The following SLC16A7 variants were observed in gnomAD, a reference collection of about 807,000 sequenced individuals.
The protein encoded by SLC16A7 is monocarboxylate transporter 2.
Under a neutral mutation model 34.9 loss-of-function variants are expected in SLC16A7, and 33 were observed. The observed-to-expected ratio is 0.94, with a 90% CI of 0.72 to 1.26. The LOEUF (loss-of-function observed/expected upper bound fraction) is 1.26. SLC16A7 is among the 50% of genes most tolerant of loss of function. The pLI is 0.00. For synonymous variants in SLC16A7, 201 were observed against 206.6 expected (o/e 0.97, Z 0.23); for missense variants, 573 against 578.1 (o/e 0.99, Z 0.09).
intron 1 of SLC16A7, among the ~76,000 whole-genome samples, chr12:59,631,735 T>C (rs1880191662): frequency 1.3e-5 from 2 of 151,978 alleles, no homozygotes; most frequent in South Asian, 4.1e-4. Flanking sequence ...GTCCATGTGT[T>C]CTCATTGTTC....
intron 3 of SLC16A7, among the ~76,000 whole-genome samples, chr12:59,766,717 G>A (rs1881678519): frequency 6.6e-6 from 1 of 152,108 alleles, no homozygotes; most frequent in Non-Finnish European, 1.5e-5. Context: ...TTGATGTGCT[G>A]CTGGATTCGT....
chr12:59,686,817 G>C (rs111261679), intron 2 of SLC16A7, among the ~76,000 whole-genome samples: 94 of 152,010 alleles, frequency 6.2e-4, no homozygotes, highest in South Asian at 1.2e-3. Context: ...AAGATTTTAA[G>C]AGATGCTAAG....
At chr12:59,772,840 T>C (rs2137446730) in intron 4 of SLC16A7, among the ~76,000 whole-genome samples, 1 of 152,292 alleles carries the variant, frequency 6.6e-6, no homozygotes, top group East Asian at 1.9e-4. Flanking sequence ...TATAATATCT[T>C]ACAGTTCTAA....
intron 2 of SLC16A7, among the ~76,000 whole-genome samples, chr12:59,662,069 G>A (rs1868882050): frequency 6.6e-6 from 1 of 151,998 alleles, no homozygotes; most frequent in African/African-American, 2.4e-5. Context: ...TTTCCATTAT[G>A]TTGTGAGACC....
intron 2 of SLC16A7, among the ~76,000 whole-genome samples, chr12:59,702,833 G>A (rs1178475351): frequency 2.0e-5 from 3 of 151,548 alleles, no homozygotes; most frequent in African/African-American, 7.3e-5. Flanking sequence ...TACATCACTC[G>A]GCAGTCTTAT....
chr12:59,686,905 T>G (rs575867186), intron 2 of SLC16A7, among the ~76,000 whole-genome samples: 1 of 152,186 alleles, frequency 6.6e-6, no homozygotes, highest in South Asian at 2.1e-4. Context: ...CAATATATTA[T>G]ATATTTGAAA....
At chr12:59,661,366 T>C (rs1340153372) in intron 2 of SLC16A7, among the ~76,000 whole-genome samples, 1 of 152,112 alleles carries the variant, frequency 6.6e-6, no homozygotes, top group Admixed American at 6.6e-5. Flanking sequence ...GGGTTTCATT[T>C]TAGAGAAGAG....
intron 3 of SLC16A7, among the ~76,000 whole-genome samples, chr12:59,741,186 T>G (rs1291289583): frequency 6.6e-6 from 1 of 152,170 alleles, no homozygotes; most frequent in African/African-American, 2.4e-5. Context: ...ACCGATGACT[T>G]TCTTCACAGA....
chr12:59,669,379 A>G (rs183449773), intron 2 of SLC16A7, among the ~76,000 whole-genome samples: 37 of 152,230 alleles, frequency 2.4e-4, no homozygotes, highest in Admixed American at 1.7e-3. Flanking sequence ...AGTGGGGTAT[A>G]TATAGATTTC....
At chr12:59,623,855 T>G (rs1258559578) in intron 1 of SLC16A7, among the ~76,000 whole-genome samples, 1 of 151,582 alleles carries the variant, frequency 6.6e-6, no homozygotes, top group Non-Finnish European at 1.5e-5. Flanking sequence ...TTTGGTTGTT[T>G]TTTGTTTTTA....
At chr12:59,672,592 A>ATAT (rs915205684) in intron 2 of SLC16A7, among the ~76,000 whole-genome samples, 3 of 151,526 alleles carry the variant, frequency 2.0e-5, no homozygotes, top group African/African-American at 7.3e-5. Flanking sequence ...CTTCTTGTTG[A>ATAT]TATTATTATT....
At chr12:59,622,707 C>A in intron 1 of SLC16A7, among the ~76,000 whole-genome samples, 1 of 151,760 alleles carries the variant, frequency 6.6e-6, no homozygotes, top group African/African-American at 2.4e-5. Flanking sequence ...AAACATTTTT[C>A]TGCACTGGTA....
intron 3 of SLC16A7, among the ~76,000 whole-genome samples, chr12:59,720,395 G>C (rs1192969198): frequency 6.6e-6 from 1 of 152,024 alleles, no homozygotes; most frequent in African/African-American, 2.4e-5. Flanking sequence ...TCATAGTAGG[G>C]TAAACTTCTT....
chr12:59,617,513 C>A (rs573660613), intron 1 of SLC16A7, among the ~76,000 whole-genome samples: 1 of 151,960 alleles, frequency 6.6e-6, no homozygotes, highest in African/African-American at 2.4e-5. Flanking sequence ...ATTTATAATG[C>A]CCTGTACATA....
At chr12:59,705,079 G>A in intron 3 of SLC16A7, 61 bp downstream of exon 3, 1 of 1,142,288 alleles carries the variant, frequency 8.8e-7, no homozygotes, top group Non-Finnish European at 1.3e-6. Context: ...ATGTCACAAT[G>A]TTTTACATGG....
intron 2 of SLC16A7, among the ~76,000 whole-genome samples, chr12:59,693,687 T>C (rs1276637024): frequency 1.3e-5 from 2 of 151,922 alleles, no homozygotes; most frequent in Non-Finnish European, 2.9e-5. Flanking sequence ...AGTTGTAGTT[T>C]TTGAATTCCA....
intron 1 of SLC16A7, among the ~76,000 whole-genome samples, chr12:59,598,304 T>C (rs568938233): frequency 9.2e-5 from 14 of 152,338 alleles, no homozygotes; most frequent in African/African-American, 3.4e-4. Context: ...GAAGTGATAT[T>C]GGGAAGAATG....
chr12:59,709,602 C>G (rs1873985604), intron 3 of SLC16A7, among the ~76,000 whole-genome samples: 1 of 151,578 alleles, frequency 6.6e-6, no homozygotes, highest in Non-Finnish European at 1.5e-5. Context: ...GAAAGTCATT[C>G]CATTCCTGTG....
At chr12:59,659,321 C>T (rs952843319) in intron 2 of SLC16A7, among the ~76,000 whole-genome samples, 1 of 151,940 alleles carries the variant, frequency 6.6e-6, no homozygotes, top group Non-Finnish European at 1.5e-5. Context: ...ATATATTGTG[C>T]AGTGGTAAAA....
Sources: gnomAD v4.1 joint callset for allele counts (sites outside exome capture counted in the v4.1 genomes callset) on GRCh38, gnomAD v4.1.1 for gene constraint, MANE v1.5 for transcripts, NCBI Gene and HGNC (gene_info 2026-07-23, HGNC 2026-07-21) for gene names.